Variants in PDS5B observed in about 807,000 individuals in gnomAD.
PDS5B encodes the protein PDS5 cohesin associated factor B.
Under a neutral mutation model 184.1 loss-of-function variants are expected in PDS5B, and 51 were observed. The observed-to-expected ratio is 0.28, with a 90% CI of 0.22 to 0.35. The LOEUF (loss-of-function observed/expected upper bound fraction) is 0.35. PDS5B is among the 10% of genes least tolerant of loss of function. PDS5B has a pLI of 1.00. For missense variants in PDS5B, 1,180 were observed against 1,723.3 expected, an observed-to-expected ratio of 0.68 and a Z score of 5.58; for synonymous variants, 566 against 569.2, an observed-to-expected ratio of 0.99 and a Z score of 0.08.
intron 1 of PDS5B, among the ~76,000 whole-genome samples, chr13:32,587,115 C>G (rs1301628631): frequency 1.3e-5 from 2 of 148,838 alleles, no homozygotes; most frequent in African/African-American, 4.9e-5. Flanking sequence ...GGGCTTCTCC[C>G]CCTTCCGGGC....
At chr13:32,642,148 T>G (rs936818282) in intron 1 of PDS5B, among the ~76,000 whole-genome samples, 6 of 152,220 alleles carry the variant, frequency 3.9e-5, no homozygotes, top group African/African-American at 1.4e-4. Context: ...ACTTCTTTCT[T>G]GGAATTTTGC....
rs181704693 is a variant in PDS5B, at chr13:32,619,458, A to G, written c.-19-29296A>G. ...AAAAGGTACAGTAAAAATATGATGG[A>G]TAAAAAATGTAGAGCACTTACCATG... On this transcript the variant is annotated intron_variant, in intron 1 of 34. Transcript: ENST00000315596. Among the ~76,000 whole-genome samples the G allele has an allele frequency of 2.0e-3, 300 of 152,340 alleles. 2 individuals carry two copies. The highest frequency in any genetic ancestry group is 7.0e-3 in the African/African-American group (291 of 41,578).
intron 18 of PDS5B, among the ~76,000 whole-genome samples, chr13:32,707,549 C>A (rs983373876): frequency 6.8e-6 from 1 of 146,550 alleles, no homozygotes; most frequent in Non-Finnish European, 1.5e-5. Context: ...ATTTTGTATC[C>A]TTAACTATTT....
At chr13:32,601,820 AG>A (rs1049784353) in intron 1 of PDS5B, among the ~76,000 whole-genome samples, 2 of 152,230 alleles carry the variant, frequency 1.3e-5, no homozygotes, top group African/African-American at 2.4e-5. Context: ...GGTATATTCA[AG>A]AGGGAACTAC....
intron 16 of PDS5B, 193 bp from the exon 17 acceptor site, chr13:32,701,130 A>T (rs1951850176): frequency 6.5e-6 from 3 of 462,574 alleles, no homozygotes; most frequent in African/African-American, 2.0e-5. Flanking sequence ...CTTTTCCCTG[A>T]TTACTTGAAA....
intron 13 of PDS5B, chr13:32,689,241 A>C (rs1009028996): frequency 6.6e-6 from 1 of 152,190 alleles, no homozygotes; most frequent in Admixed American, 6.6e-5. Context: ...ATTAAGGGTT[A>C]AATGTTGAGA....
chr13:32,650,660 C>G (rs1293196210), intron 2 of PDS5B: 2 of 152,114 alleles, frequency 1.3e-5, no homozygotes, highest in Non-Finnish European at 2.9e-5. Flanking sequence ...CTAAAAGACC[C>G]AGACATCATA....
chr13:32,646,520 CTATACGTTTCTAT>C lies in PDS5B; in HGVS notation c.-19-2232_-19-2220del, dbSNP rs1950231983. On this transcript the variant is annotated intron_variant, in intron 1 of 34. Transcript: ENST00000315596. ...TTTTATATGTCTTACGGTGGACAAA[CTATACGTTTCTAT>C]TGAGTAAATACCACAGAGTGAATCT... Among the ~76,000 whole-genome samples, 3 of 151,282 alleles carry C rather than the reference CTATACGTTTCTAT, an allele frequency of 2.0e-5. No homozygotes were observed. In the South Asian group the frequency reaches 6.2e-4, roughly 31 times the overall value.
chr13:32,658,958 GAA>G (rs1950580408), intron 5 of PDS5B, among the ~76,000 whole-genome samples, 194 bp from the exon 6 acceptor site: 1 of 152,158 alleles, frequency 6.6e-6, no homozygotes, highest in Admixed American at 6.5e-5. Flanking sequence ...AAAAATCTAA[GAA>G]ATGTAGTGTA....
rs144038568 is a variant in PDS5B, at chr13:32,697,944, G to A, written c.1600+1042G>A. Among the ~76,000 whole-genome samples, 422 of 152,238 alleles carry A rather than the reference G, an allele frequency of 2.8e-3. 2 individuals carry two copies. The highest frequency in any genetic ancestry group is 9.1e-3 in the African/African-American group (380 of 41,542). On this transcript the variant is annotated intron_variant, in intron 15 of 34. Transcript: ENST00000315596. ...TGCCCAGGCTAGTGCTGAACTGCTG[G>A]CCTCAAGTGCTGGGATTACAGGTGT...
intron 17 of PDS5B, among the ~76,000 whole-genome samples, chr13:32,702,658 G>T (rs1255575335): frequency 6.6e-6 from 1 of 152,106 alleles, no homozygotes; most frequent in Non-Finnish European, 1.5e-5. Flanking sequence ...TGCCATTGAG[G>T]TTAACATAAA....
chr13:32,751,966 TGA>T lies in PDS5B; in HGVS notation c.2737-1365_2737-1364del, dbSNP rs1448130189. 2.2e-3 allele frequency among the ~76,000 whole-genome samples: 330 copies of T among 152,336 alleles called. 2 individuals carry two copies. The highest frequency in any genetic ancestry group is 7.8e-3 in the African/African-American group (326 of 41,572). Reference sequence around the variant, plus strand: ...ATTTAAAGATAAGGATGAGATGTTATGACCAAGATTTTTGGGGAAGATAAACT... The same window carrying T: ...ATTTAAAGATAAGGATGAGATGTTATCCAAGATTTTTGGGGAAGATAAACT... On this transcript the variant is annotated intron_variant, in intron 24 of 34. Coordinates refer to ENST00000315596, the MANE Select transcript of PDS5B (RefSeq NM_015032.4).
chr13:32,690,514 C>T (rs1175541360), intron 13 of PDS5B: 1 of 152,028 alleles, frequency 6.6e-6, no homozygotes, highest in African/African-American at 2.4e-5. Context: ...TTAACAGTCA[C>T]CTCTGAAAGC....
At chr13:32,634,194 C>G (rs1392934741) in intron 1 of PDS5B, among the ~76,000 whole-genome samples, 1 of 152,102 alleles carries the variant, frequency 6.6e-6, no homozygotes, top group Non-Finnish European at 1.5e-5. Flanking sequence ...TCTCATTTCT[C>G]TTTAAATTTC....
At chr13:32,642,135 A>G (rs1950112083) in intron 1 of PDS5B, among the ~76,000 whole-genome samples, 1 of 152,116 alleles carries the variant, frequency 6.6e-6, no homozygotes, top group Non-Finnish European at 1.5e-5. Context: ...TCAGTTCCTC[A>G]TTACTTCTTT....
intron 6 of PDS5B, among the ~76,000 whole-genome samples, chr13:32,665,307 G>A (rs904127244): frequency 3.3e-5 from 5 of 151,872 alleles, no homozygotes; most frequent in Admixed American, 1.3e-4. Context: ...AAACGTCTTT[G>A]GGGGCTGGGC....
At chr13:32,765,522 G>T (rs1431723997) in intron 31 of PDS5B, among the ~76,000 whole-genome samples, 2 of 152,214 alleles carry the variant, frequency 1.3e-5, no homozygotes, top group African/African-American at 4.8e-5. Flanking sequence ...CACATGCCAA[G>T]AAGTTTATTT....
intron 17 of PDS5B, among the ~76,000 whole-genome samples, chr13:32,706,327 A>AAAG (rs1593471419): frequency 6.9e-6 from 1 of 144,934 alleles, no homozygotes; most frequent in East Asian, 2.0e-4. Flanking sequence ...AATAAATAAA[A>AAAG]TAACATAAGC....
At chr13:32,683,148 G>C (rs916591672) in intron 10 of PDS5B, among the ~76,000 whole-genome samples, 1 of 151,956 alleles carries the variant, frequency 6.6e-6, no homozygotes, top group East Asian at 1.9e-4. Flanking sequence ...GAGTAGCTGG[G>C]ACTACAGCTG....
Sources: allele counts gnomAD v4.1 joint callset (sites outside exome capture counted in the v4.1 genomes callset), GRCh38; gene constraint gnomAD v4.1.1; transcripts MANE v1.5; gene names NCBI Gene and HGNC (gene_info 2026-07-23, HGNC 2026-07-21).